The following DBF4 variants were observed in gnomAD, a reference collection of about 807,000 sequenced individuals.
DBF4 encodes DBF4-CDC7 kinase regulatory subunit.
Under a neutral mutation model 76.6 loss-of-function variants are expected in DBF4, and 25 were observed. That is an observed-to-expected ratio of 0.33 (90% CI 0.24 to 0.46). The LOEUF is 0.46. Ranked by LOEUF, DBF4 falls within the 20% of genes least tolerant of loss-of-function variation. The pLI, the probability that DBF4 is intolerant of heterozygous loss-of-function variation, is 1.00. For synonymous variants in DBF4, 213 were observed against 258.0 expected (o/e 0.83, Z 1.67); for missense variants, 638 against 760.8 (o/e 0.84, Z 1.90).
At position 87,887,390 on chromosome 7, in the gene DBF4, A is replaced by G; in HGVS notation, c.512A>G (p.His171Arg). ...TTGTCATGGGGAGTAAAAATTCTTCATATTGATGGTAAGGATTTTATAATT... is the reference window on the plus strand; with the variant it reads ...TTGTCATGGGGAGTAAAAATTCTTCGTATTGATGGTAAGGATTTTATAATT... ...NALSWGVKIL[H>R]IDDIRYYIEQ... Residue 171 changes from histidine to arginine, a missense_variant, in exon 5 of 12, where the codon CAT (histidine) becomes CGT (arginine). Transcript: ENST00000265728. 6.4e-7 allele frequency: 1 copy of G among 1,570,162 alleles called. No individual in the cohort carries two copies. The highest frequency in any genetic ancestry group is 8.7e-7 in the Non-Finnish European group (1 of 1,148,988).
At chr7:87,881,693 A>G (rs1174337799) in intron 2 of DBF4, among the ~76,000 whole-genome samples, 1 of 152,266 alleles carries the variant, frequency 6.6e-6, no homozygotes, top group Non-Finnish European at 1.5e-5. Flanking sequence ...AGATACAAAA[A>G]TAAGTAAAAT....
intron 2 of DBF4, 50 bp downstream of exon 2, chr7:87,878,275 C>T (rs761085336): frequency 1.4e-6 from 2 of 1,397,230 alleles, no homozygotes; most frequent in East Asian, 2.4e-5. Flanking sequence ...GTAACTAGTA[C>T]TTTCTACTGT....
intron 7 of DBF4, 33 bp from the exon 8 acceptor site, chr7:87,897,261 G>A (rs776177550): frequency 6.5e-7 from 1 of 1,544,752 alleles, no homozygotes; most frequent in South Asian, 1.2e-5. Context: ...TCCTGAATTT[G>A]CAAGTATCTA....
chr7:87,893,343 TCACGCCATTCTCCTG>T, intron 6 of DBF4, among the ~76,000 whole-genome samples: 1 of 151,590 alleles, frequency 6.6e-6, no homozygotes, highest in Non-Finnish European at 1.5e-5. Flanking sequence ...CTTCCCGGGT[TCACGCCATTCTCCTG>T]CCTCAGCCTC....
chr7:87,903,629 C>CA (rs1438037969), intron 10 of DBF4, among the ~76,000 whole-genome samples: 1 of 148,262 alleles, frequency 6.7e-6, no homozygotes, highest in East Asian at 2.0e-4. Context: ...TGCATGAAGA[C>CA]AAAGTAATAG....
chr7:87,904,217 A>G (rs1275341417), intron 10 of DBF4, 75 bp from the exon 11 acceptor site: 5 of 1,461,110 alleles, frequency 3.4e-6, no homozygotes, highest in African/African-American at 2.9e-5. Context: ...TGAGAATGTT[A>G]GAAAACCTTA....
intron 6 of DBF4, among the ~76,000 whole-genome samples, chr7:87,888,866 C>T (rs931855294): frequency 3.9e-5 from 6 of 152,316 alleles, no homozygotes; most frequent in African/African-American, 9.6e-5. Flanking sequence ...CATCTCTTAG[C>T]TTTCTCCTGA....
Position 87,876,794 on chromosome 7 carries a change from T to A in DBF4, c.46+16T>A, listed in dbSNP as rs375091171. On this transcript the variant is annotated intron_variant, in intron 1 of 11. Coordinates refer to ENST00000265728, the MANE Select transcript of DBF4 (RefSeq NM_006716.4). ...CATTTCCAGGGTAAGAAGCCCCTCC[T>A]CCGCCTGCAGTCCCTTTAATCCTTT... The A allele has an allele frequency of 6.2e-7, 1 of 1,613,792 alleles. No homozygotes were observed.
chr7:87,890,418 G>C lies in DBF4; in HGVS notation c.597+2359G>C, dbSNP rs555875622. Among the ~76,000 whole-genome samples the C allele has an allele frequency of 5.9e-5, 9 of 152,272 alleles. No homozygotes were observed. In the East Asian group the frequency reaches 1.7e-3, roughly 29 times the overall value. ...GTGGTGGTGCATGCCTGTAATCCCA[G>C]CTACTTGGAAGGCTGATAGAAGAGA... On this transcript the variant is annotated intron_variant, in intron 6 of 11. Transcript: ENST00000265728.
chr7:87,901,908 G>A (rs1050505114), intron 10 of DBF4, among the ~76,000 whole-genome samples: 1 of 152,152 alleles, frequency 6.6e-6, no homozygotes, highest in Non-Finnish European at 1.5e-5. Flanking sequence ...TCTGTCTTCA[G>A]ACTCTGAATT....
At chr7:87,888,885 T>C (rs1375937598) in intron 6 of DBF4, among the ~76,000 whole-genome samples, 1 of 152,232 alleles carries the variant, frequency 6.6e-6, no homozygotes, top group South Asian at 2.1e-4. Flanking sequence ...GATCTCTTCA[T>C]ATTTCTCAGA....
chr7:87,893,486 C>G (rs1384885415), intron 6 of DBF4, among the ~76,000 whole-genome samples: 1 of 151,538 alleles, frequency 6.6e-6, no homozygotes, highest in Non-Finnish European at 1.5e-5. Flanking sequence ...ACCTCATGAT[C>G]CACCCGCCTC....
In DBF4 at chr7:87,907,583, A is replaced by G. The variant is rs373255355; in HGVS notation, c.1445A>G (p.Tyr482Cys). ...NDLEELRVDH[Y>C]KCNIQASVHV... ...TTAGAAGAACTAAGGGTAGATCACT[A>G]TAAATGTAACATACAGGCATCTGTA... Residue 482 changes from tyrosine to cysteine, a missense_variant, in exon 12 of 12, where the codon TAT becomes TGT. Tyr to Cys is a radical substitution (Grantham distance 194, BLOSUM62 -2). Transcript: ENST00000265728. The G allele has an allele frequency of 1.9e-6, 3 of 1,613,958 alleles. No homozygotes were observed. Among genetic ancestry groups the G allele is most frequent in the Non-Finnish European group, 2.5e-6 (3 of 1,179,954 alleles).
At chr7:87,876,939 A>C (rs748438496) in intron 1 of DBF4, among the ~76,000 whole-genome samples, 161 bp downstream of exon 1, 1 of 152,110 alleles carries the variant, frequency 6.6e-6, no homozygotes, top group Non-Finnish European at 1.5e-5. Context: ...GTTTTGCCTA[A>C]GAAGGAACGG....
At chr7:87,899,435 A>T (rs1050918097) in intron 8 of DBF4, among the ~76,000 whole-genome samples, 1 of 152,226 alleles carries the variant, frequency 6.6e-6, no homozygotes, top group Non-Finnish European at 1.5e-5. Context: ...CCCAATTTTA[A>T]AAAGGGGCAA....
rs758952359 is a variant in DBF4, at chr7:87,908,154, T to C, written c.2016T>C (p.Thr672=). ...FFSSPSTSTF[T]GF ...CGTCCCCTTCAACTTCTACATTTAC[T>C]GGCTTTTAGAATTTAAAAAATGCAT... Residue 672 remains threonine, a synonymous_variant, in exon 12 of 12, where the codon ACT becomes ACC. Transcript: ENST00000265728. 1.9e-6 allele frequency: 3 copies of C among 1,564,122 alleles called. No homozygotes were observed. The highest frequency in any genetic ancestry group is 2.6e-6 in the Non-Finnish European group (3 of 1,158,558).
At chr7:87,892,945 T>C (rs1275152082) in intron 6 of DBF4, among the ~76,000 whole-genome samples, 2 of 152,186 alleles carry the variant, frequency 1.3e-5, no homozygotes, top group African/African-American at 2.4e-5. Context: ...ACCCAAAATA[T>C]AGTCTATCTT....
rs746465182 is a variant in DBF4, at chr7:87,907,518, C to T, written c.1380C>T (p.Cys460=). 1 of 1,613,890 alleles carries T rather than the reference C, an allele frequency of 6.2e-7. No individual in the cohort carries two copies. Among genetic ancestry groups the T allele is most frequent in the South Asian group, 1.1e-5 (1 of 91,070 alleles). The change falls in exon 12 of 12, where the codon TGC becomes TGT. Residue 460 remains cysteine (C), a synonymous_variant. Coordinates refer to ENST00000265728, the MANE Select transcript of DBF4 (RefSeq NM_006716.4). ...QLPLHKNKQE[C]ILDISEHTLS... ...CTCTACATAAAAACAAACAGGAATGCATTCTTGACATTTCCGAACACACAT... is the reference window on the plus strand; with the variant it reads ...CTCTACATAAAAACAAACAGGAATGTATTCTTGACATTTCCGAACACACAT...
Position 87,876,581 on chromosome 7 carries a change from C to G in DBF4, c.-152C>G. On this transcript the variant is annotated 5_prime_UTR_variant, in exon 1 of 12. Coordinates refer to ENST00000265728, the MANE Select transcript of DBF4 (RefSeq NM_006716.4). ...CCGGATCCGGCCCCGGAAACCCGAC[C>G]TGCAGACGCGGTACCTCTACTGCGT... is the stretch of plus-strand genomic sequence containing the variant. 4 of 808,044 alleles carry G rather than the reference C, an allele frequency of 5.0e-6. No homozygotes were observed. In the South Asian group the frequency reaches 6.2e-5, roughly 13 times the overall value. 50.1% of individuals were successfully genotyped at this position (808,044 alleles called of 1,614,324 possible). A position where few individuals can be genotyped will look rare whatever the true frequency, so the allele number is the denominator to read the frequency against.
Sources: gnomAD v4.1 joint callset for allele counts (sites outside exome capture counted in the v4.1 genomes callset) on GRCh38, gnomAD v4.1.1 for gene constraint, MANE v1.5 for transcripts, NCBI Gene and HGNC (gene_info 2026-07-23, HGNC 2026-07-21) for gene names.